Variants in DLG2 observed in about 807,000 individuals in gnomAD.
DLG2 encodes the protein discs large MAGUK scaffold protein 2, also known as disks large homolog 2.
Under a neutral mutation model 132.5 loss-of-function variants are expected in DLG2, and 45 were observed. That is an observed-to-expected ratio of 0.34 (90% CI 0.27 to 0.44). The LOEUF (loss-of-function observed/expected upper bound fraction) is 0.44. Ranked by LOEUF, DLG2 falls within the 20% of genes least tolerant of loss-of-function variation. The pLI is 1.00. For missense variants in DLG2, 1,045 were observed against 1,196.9 expected (o/e 0.87, Z 1.87); for synonymous variants, 424 against 419.6 (o/e 1.01, Z -0.13).
intron 6 of DLG2, among the ~76,000 whole-genome samples, chr11:84,719,310 A>C (rs1387493474): frequency 6.6e-6 from 1 of 152,192 alleles, no homozygotes; most frequent in Non-Finnish European, 1.5e-5. Flanking sequence ...TCACTTAGAG[A>C]AGTCAAACTT....
chr11:85,386,440 T>C (rs2086328992), intron 3 of DLG2, among the ~76,000 whole-genome samples: 1 of 152,202 alleles, frequency 6.6e-6, no homozygotes, highest in Admixed American at 6.5e-5. Flanking sequence ...TCTCATCACA[T>C]TGACTTCTGA....
intron 6 of DLG2, among the ~76,000 whole-genome samples, chr11:85,023,894 G>A (rs2060291880): frequency 6.6e-6 from 1 of 152,088 alleles, no homozygotes; most frequent in African/African-American, 2.4e-5. Flanking sequence ...TAAAATTGAA[G>A]TTTATGGAGT....
intron 17 of DLG2, among the ~76,000 whole-genome samples, chr11:83,797,431 G>A (rs958389385): frequency 8.5e-5 from 13 of 152,068 alleles, no homozygotes; most frequent in Admixed American, 2.0e-4. Flanking sequence ...TAACTTGTCC[G>A]AGGGTACATT....
Position 84,246,044 on chromosome 11 carries a change from G to C in DLG2, c.573+5194C>G, listed in dbSNP as rs149986722. Among the ~76,000 whole-genome samples, 10 of 152,292 alleles carry C rather than the reference G, an allele frequency of 6.6e-5. No homozygotes were observed. The East Asian group carries it at 1.7e-3, about 26-fold the overall frequency. ...TATCACAATATGAAAACATACCCTGGATAGCTACTGTCCCACCTCCTGGTC... is the reference window on the plus strand; with the variant it reads ...TATCACAATATGAAAACATACCCTGCATAGCTACTGTCCCACCTCCTGGTC... On this transcript the variant is annotated intron_variant, in intron 8 of 27. Coordinates refer to ENST00000376104, the MANE Select transcript of DLG2 (RefSeq NM_001142699.3).
chr11:84,036,964 A>T (rs2095879724), intron 11 of DLG2, among the ~76,000 whole-genome samples: 1 of 152,134 alleles, frequency 6.6e-6, no homozygotes, highest in Non-Finnish European at 1.5e-5. Flanking sequence ...AGTCTGATCT[A>T]ATGGAGCCAT....
At chr11:83,925,908 AAAG>A (rs1013627664) in intron 15 of DLG2, among the ~76,000 whole-genome samples, 5 of 152,190 alleles carry the variant, frequency 3.3e-5, no homozygotes, top group African/African-American at 1.2e-4. Flanking sequence ...ACCTTTTTTC[AAAG>A]AAAAAGAGAT....
intron 7 of DLG2, among the ~76,000 whole-genome samples, chr11:84,514,666 G>C (rs1429402097): frequency 2.6e-5 from 4 of 151,824 alleles, no homozygotes; most frequent in Admixed American, 6.6e-5. Flanking sequence ...GGTAGTTGGG[G>C]CAGGGGTGGG....
At chr11:84,611,932 A>AT (rs1392912877) in intron 6 of DLG2, among the ~76,000 whole-genome samples, 1 of 152,136 alleles carries the variant, frequency 6.6e-6, no homozygotes, top group African/African-American at 2.4e-5. Flanking sequence ...AAGATACATC[A>AT]TTTTTTACAA....
chr11:85,573,016 C>G (rs2077937704), intron 3 of DLG2, among the ~76,000 whole-genome samples: 1 of 152,158 alleles, frequency 6.6e-6, no homozygotes, highest in Admixed American at 6.6e-5. Flanking sequence ...AAGACCTGAT[C>G]ATTTAAAAGT....
chr11:85,100,503 G>T (rs2070696993), intron 6 of DLG2, among the ~76,000 whole-genome samples: 4 of 152,132 alleles, frequency 2.6e-5, no homozygotes, highest in Admixed American at 2.6e-4. Context: ...CAAAACTCAT[G>T]TCCTTACTTC....
intron 3 of DLG2, among the ~76,000 whole-genome samples, chr11:85,420,248 G>T (rs1157559807): frequency 2.0e-5 from 3 of 152,110 alleles, no homozygotes; most frequent in African/African-American, 7.2e-5. Context: ...GTTTGCCTAG[G>T]TATCACCAGT....
chr11:84,064,796 G>A (rs1313499820), intron 10 of DLG2, among the ~76,000 whole-genome samples: 1 of 152,116 alleles, frequency 6.6e-6, no homozygotes, highest in Non-Finnish European at 1.5e-5. Context: ...AGGAAGAGAA[G>A]AAAAGAATGG....
At chr11:84,715,097 C>T (rs1291509215) in intron 6 of DLG2, among the ~76,000 whole-genome samples, 1 of 151,974 alleles carries the variant, frequency 6.6e-6, no homozygotes, top group African/African-American at 2.4e-5. Flanking sequence ...AATTTCAGGA[C>T]TCTATAACAT....
At chr11:85,622,725 A>C (rs965466707) in intron 2 of DLG2, among the ~76,000 whole-genome samples, 1 of 152,120 alleles carries the variant, frequency 6.6e-6, no homozygotes, top group Non-Finnish European at 1.5e-5. Flanking sequence ...CTGTAATCTC[A>C]GTTTCAAGGG....
chr11:84,845,836 C>T (rs890827202), intron 6 of DLG2, among the ~76,000 whole-genome samples: 2 of 151,890 alleles, frequency 1.3e-5, no homozygotes, highest in East Asian at 3.9e-4. Flanking sequence ...CACACCAACA[C>T]ACCCAGCTAA....
At chr11:85,471,980 C>G (rs2092998211) in intron 3 of DLG2, among the ~76,000 whole-genome samples, 1 of 152,058 alleles carries the variant, frequency 6.6e-6, no homozygotes, top group Non-Finnish European at 1.5e-5. Flanking sequence ...ATAATATCTA[C>G]AAAATTGATC....
At chr11:84,603,278 G>A (rs573975850) in intron 6 of DLG2, among the ~76,000 whole-genome samples, 3 of 151,856 alleles carry the variant, frequency 2.0e-5, no homozygotes, top group South Asian at 2.1e-4. Context: ...CTATGCACCC[G>A]GATCATGATG....
chr11:84,786,866 C>G (rs1207695571), intron 6 of DLG2, among the ~76,000 whole-genome samples: 1 of 152,176 alleles, frequency 6.6e-6, no homozygotes, highest in Non-Finnish European at 1.5e-5. Flanking sequence ...TCCTCTTTGT[C>G]TAGACCTTCC....
intron 9 of DLG2, among the ~76,000 whole-genome samples, chr11:84,111,545 A>G (rs2154192744): frequency 6.6e-6 from 1 of 152,348 alleles, no homozygotes; most frequent in South Asian, 2.1e-4. Context: ...AACTAAACTG[A>G]AGAATAATCC....
Sources: allele counts gnomAD v4.1 joint callset (sites outside exome capture counted in the v4.1 genomes callset), GRCh38; gene constraint gnomAD v4.1.1; transcripts MANE v1.5; gene names NCBI Gene and HGNC (gene_info 2026-07-23, HGNC 2026-07-21).